Variants in MED13L observed in about 807,000 individuals in gnomAD.
MED13L encodes mediator of RNA polymerase II transcription subunit 13-like.
In MED13L, 7 loss-of-function variants were observed where a neutral mutation model predicts 220.9. That is an observed-to-expected ratio of 0.03 (90% CI 0.02 to 0.06). The LOEUF (loss-of-function observed/expected upper bound fraction) is 0.06. Among genes scored for constraint, MED13L ranks in the 10% least tolerant of loss-of-function variants. The pLI, the probability that MED13L is intolerant of heterozygous loss-of-function variation, is 1.00. For missense variants in MED13L, 1,965 were observed against 2,760.5 expected (o/e 0.71, Z 6.46); for synonymous variants, 1,011 against 1,015.2 (o/e 1.00, Z 0.08).
chr12:116,127,997 T>G (rs1875742091), intron 2 of MED13L, among the ~76,000 whole-genome samples: 1 of 152,328 alleles, frequency 6.6e-6, no homozygotes, highest in Middle Eastern at 3.4e-3. Context: ...TCAAGACATC[T>G]GACTTCCTTT....
At position 116,124,168 on chromosome 12, in the gene MED13L, CAG is replaced by C. The variant is rs1196095304; in HGVS notation, c.311-12658_311-12657del. 5.5e-5 allele frequency among the ~76,000 whole-genome samples: 7 copies of C among 127,580 alleles called. 1 individual carries two copies. The South Asian group carries it at 1.7e-3, about 31-fold the overall frequency. The allele number at this position is 127,580 out of a possible 152,430, so 83.7% of individuals were successfully genotyped here. On this transcript the variant is annotated intron_variant, in intron 2 of 30. Transcript: ENST00000281928. ...AGAGAGAGACAGAGACAGAGAGAGA[CAG>C]AGAGAGACAGAGAGAGACAGAGACT... is the stretch of plus-strand genomic sequence containing the variant.
intron 16 of MED13L, among the ~76,000 whole-genome samples, chr12:115,994,815 C>A (rs1389946888): frequency 6.6e-6 from 1 of 152,152 alleles, no homozygotes; most frequent in African/African-American, 2.4e-5. Context: ...CAGCAGCACA[C>A]CAGCCAGGCG....
intron 2 of MED13L, among the ~76,000 whole-genome samples, chr12:116,212,021 A>AT (rs1882727872): frequency 6.6e-6 from 1 of 152,188 alleles, no homozygotes; most frequent in Non-Finnish European, 1.5e-5. Flanking sequence ...CATATATCAC[A>AT]TTTTTTTCTG....
At chr12:116,187,401 C>T (rs1880967965) in intron 2 of MED13L, among the ~76,000 whole-genome samples, 1 of 152,174 alleles carries the variant, frequency 6.6e-6, no homozygotes, top group Admixed American at 6.5e-5. Flanking sequence ...CAAAGCCTGA[C>T]ACACAAATAA....
intron 4 of MED13L, among the ~76,000 whole-genome samples, chr12:116,079,102 T>C (rs1232981131): frequency 6.6e-6 from 1 of 152,230 alleles, no homozygotes. Flanking sequence ...TCTTACTACA[T>C]TGCTTTAAAA....
At chr12:116,112,391 T>C (rs1211651883) in intron 2 of MED13L, among the ~76,000 whole-genome samples, 1 of 152,158 alleles carries the variant, frequency 6.6e-6, no homozygotes, top group Non-Finnish European at 1.5e-5. Flanking sequence ...TCTGACAGAA[T>C]TAAAACACAC....
rs763206123 is a variant in MED13L, at chr12:116,019,808, C to G, written c.790G>C (p.Asp264His). The change falls in exon 6 of 31, where the codon GAT (aspartate) becomes CAT (histidine). Residue 264 changes from aspartate (D) to histidine (H), a missense_variant. By Grantham distance (81) the Asp-to-His change is moderately conservative. Coordinates refer to ENST00000281928, the MANE Select transcript of MED13L (RefSeq NM_015335.5). ...ATTACTTCAACTGCCACAGGGAAAT[C>G]ATCATCATATCCCAACTCGTCTTCC... ...KEEDELGYDD[D>H]FPVAVEVIVG... The G allele has an allele frequency of 3.1e-6, 5 of 1,613,880 alleles. No homozygotes were observed. The highest frequency in any genetic ancestry group is 4.2e-6 in the Non-Finnish European group (5 of 1,179,930).
At chr12:116,261,235 C>T (rs1872489209) in intron 1 of MED13L, among the ~76,000 whole-genome samples, 1 of 152,168 alleles carries the variant, frequency 6.6e-6, no homozygotes, top group South Asian at 2.1e-4. Flanking sequence ...GTGGCTCATG[C>T]CTGTAATCCC....
Position 116,148,074 on chromosome 12 carries a change from A to AAAAAAAAG in MED13L, c.311-36563_311-36562insCTTTTTTT, listed in dbSNP as rs1377801971. The stretch of plus-strand genomic sequence containing the variant: ...CTCAAAAAAAAAAAAAAAAAAAAAA[A>AAAAAAAAG]GAGGGGGGCGGGAGTGGAGGGGGGC... On this transcript the variant is annotated intron_variant, in intron 2 of 30. Coordinates refer to ENST00000281928, the MANE Select transcript of MED13L (RefSeq NM_015335.5). 2.5e-4 allele frequency among the ~76,000 whole-genome samples: 25 copies of AAAAAAAAG among 98,254 alleles called. 1 individual carries two copies. Among genetic ancestry groups the AAAAAAAAG allele is most frequent in the South Asian group, 8.2e-4 (2 of 2,448 alleles). The allele number at this position is 98,254 out of a possible 152,430, so 64.5% of individuals were successfully genotyped here.
chr12:116,276,781 T>C (rs1433600019), intron 1 of MED13L: 5 of 1,279,130 alleles, frequency 3.9e-6, no homozygotes, highest in Non-Finnish European at 4.1e-6. Flanking sequence ...GCGTTCGAAG[T>C]GCGACCCAGA....
At chr12:116,023,608 T>A (rs1024433431) in intron 4 of MED13L, among the ~76,000 whole-genome samples, 2 of 152,030 alleles carry the variant, frequency 1.3e-5, no homozygotes, top group African/African-American at 2.4e-5. Flanking sequence ...AAACATGAAA[T>A]AAAATTAAAA....
chr12:115,980,179 C>T (rs1877225700), intron 23 of MED13L, among the ~76,000 whole-genome samples: 1 of 152,104 alleles, frequency 6.6e-6, no homozygotes, highest in African/African-American at 2.4e-5. Flanking sequence ...GAAATTAAAA[C>T]ATTAAAAACT....
intron 4 of MED13L, among the ~76,000 whole-genome samples, chr12:116,027,277 G>A (rs1185113215): frequency 6.6e-6 from 1 of 152,018 alleles, no homozygotes; most frequent in African/African-American, 2.4e-5. Flanking sequence ...ACAAAAATTA[G>A]CTGGGTGTGG....
At chr12:116,158,176 A>G (rs1331311364) in intron 2 of MED13L, among the ~76,000 whole-genome samples, 1 of 151,818 alleles carries the variant, frequency 6.6e-6, no homozygotes, top group East Asian at 1.9e-4. Flanking sequence ...ACCGAGAAAC[A>G]GATTGTGGTC....
At chr12:116,007,005 C>G in intron 11 of MED13L, 1 of 261,702 alleles carries the variant, frequency 3.8e-6, no homozygotes, top group South Asian at 5.1e-5. Context: ...ATAGGTACAG[C>G]GCTCAGCACA....
At chr12:116,256,564 C>T (rs372483734) in intron 1 of MED13L, among the ~76,000 whole-genome samples, 3 of 151,748 alleles carry the variant, frequency 2.0e-5, no homozygotes, top group East Asian at 1.9e-4. Context: ...ATTATGAAAC[C>T]GTACACTTAA....
chr12:116,164,160 T>C (rs1210789214), intron 2 of MED13L, among the ~76,000 whole-genome samples: 3 of 152,218 alleles, frequency 2.0e-5, no homozygotes, highest in East Asian at 1.9e-4. Flanking sequence ...TATTTCATCA[T>C]ATATTTCATT....
intron 3 of MED13L, among the ~76,000 whole-genome samples, chr12:116,098,286 A>T (rs1312040418): frequency 5.3e-5 from 8 of 152,062 alleles, no homozygotes; most frequent in Admixed American, 1.3e-4. Context: ...ACAAAAACAT[A>T]AAAATGTGGG....
chr12:116,211,476 G>C (rs1227322243), intron 2 of MED13L, among the ~76,000 whole-genome samples: 1 of 152,062 alleles, frequency 6.6e-6, no homozygotes, highest in Non-Finnish European at 1.5e-5. Context: ...CCTCAGAGGG[G>C]CCTGAACTCA....
Sources: gnomAD v4.1 joint callset for allele counts (sites outside exome capture counted in the v4.1 genomes callset) on GRCh38, gnomAD v4.1.1 for gene constraint, MANE v1.5 for transcripts, NCBI Gene and HGNC (gene_info 2026-07-23, HGNC 2026-07-21) for gene names.